The following NDRG4 variants were observed in gnomAD, a reference collection of about 807,000 sequenced individuals.
NDRG4 encodes NDRG family member 4, also known as protein NDRG4.
NDRG4 carries 38 observed loss-of-function variants against 55.8 expected under a neutral mutation model. That is an observed-to-expected ratio of 0.68 (90% CI 0.53 to 0.89). The LOEUF (loss-of-function observed/expected upper bound fraction) is 0.89. Ranked by LOEUF, NDRG4 falls within the 40% of genes least tolerant of loss-of-function variation. NDRG4 has a pLI of 0.00. For synonymous variants in NDRG4, 190 were observed against 182.7 expected, an observed-to-expected ratio of 1.04 and a Z score of -0.32; for missense variants, 455 against 468.6, an observed-to-expected ratio of 0.97 and a Z score of 0.27.
chr16:58,509,031 C>A, intron 11 of NDRG4, 22 bp downstream of exon 11: 3 of 1,614,146 alleles, frequency 1.9e-6, no homozygotes, highest in Non-Finnish European at 2.5e-6. Flanking sequence ...TTCCCCAGCC[C>A]TGGGCCAGCT....
At chr16:58,483,968 G>A (rs149776716) in intron 1 of NDRG4, among the ~76,000 whole-genome samples, 3 of 152,334 alleles carry the variant, frequency 2.0e-5, no homozygotes, top group Non-Finnish European at 4.4e-5. Context: ...TACTTGGGAG[G>A]CTGAGGTGGG....
exon 2 of NDRG4, chr16:58,487,806 C>T (rs927462072): frequency 6.5e-7 from 1 of 1,544,192 alleles, no homozygotes; most frequent in South Asian, 1.2e-5. Context: ...GCTGCGATTC[C>T]CTGAGGAGAA....
At chr16:58,484,164 G>C (rs767591705) in intron 1 of NDRG4, among the ~76,000 whole-genome samples, 3 of 152,124 alleles carry the variant, frequency 2.0e-5, no homozygotes, top group Non-Finnish European at 4.4e-5. Context: ...GAGGTCAAGA[G>C]TTCAAGACCA....
At chr16:58,506,131 A>G in intron 5 of NDRG4, 3 of 486,900 alleles carry the variant, frequency 6.2e-6, no homozygotes, top group Non-Finnish European at 1.1e-5. Flanking sequence ...CTGTTGAAAG[A>G]GCGTGTGTGT....
intron 1 of NDRG4, among the ~76,000 whole-genome samples, chr16:58,480,114 A>C (rs1475243227): frequency 1.3e-5 from 2 of 151,916 alleles, no homozygotes; most frequent in Admixed American, 6.6e-5. Context: ...TGCCCCTCCG[A>C]TTTTTTGTTT....
upstream of NDRG4, among the ~76,000 whole-genome samples, chr16:58,496,492 T>C (rs1269164873): frequency 6.6e-6 from 1 of 152,140 alleles, no homozygotes; most frequent in Non-Finnish European, 1.5e-5. Flanking sequence ...GCAGGGATTT[T>C]ATCTCCTGCT....
chr16:58,508,042 G>T lies in NDRG4; in HGVS notation c.729+43G>T, dbSNP rs763751157. The T allele has an allele frequency of 4.0e-6, 6 of 1,495,684 alleles. No individual in the cohort carries two copies. The East Asian group carries it at 1.1e-4, about 29-fold the overall frequency. 92.7% of individuals were successfully genotyped at this position (1,495,684 alleles called of 1,614,324 possible). Reference sequence around the variant, plus strand: ...GGCTCACTGGGGGTGGGAGGTAGGGGTGAGGGGCTCACTGGCCCCTGCCCA... The same window carrying T: ...GGCTCACTGGGGGTGGGAGGTAGGGTTGAGGGGCTCACTGGCCCCTGCCCA... On this transcript the variant is annotated intron_variant, in intron 10 of 14. Coordinates refer to ENST00000570248, the MANE Select transcript of NDRG4 (RefSeq NM_001242835.2).
chr16:58,504,553 C>A (rs1177458626), intron 4 of NDRG4, 36 bp from the exon 5 acceptor site: 1 of 1,613,728 alleles, frequency 6.2e-7, no homozygotes, highest in African/African-American at 1.3e-5. Flanking sequence ...GAAATGGCAC[C>A]CCTAGCCCTA....
At chr16:58,500,804 C>T (rs2036982279) in intron 1 of NDRG4, 2 of 418,236 alleles carry the variant, frequency 4.8e-6, no homozygotes, top group Non-Finnish European at 4.2e-6. Flanking sequence ...TGGATGGCTG[C>T]GCCAGTGTGA....
downstream of NDRG4, among the ~76,000 whole-genome samples, chr16:58,514,050 G>C (rs2039043710): frequency 1.3e-5 from 2 of 152,174 alleles, no homozygotes; most frequent in South Asian, 4.1e-4. Context: ...TCTTGCCTGA[G>C]TCACTACATT....
chr16:58,472,529 C>T (rs1172434903), intron 1 of NDRG4, among the ~76,000 whole-genome samples: 1 of 152,156 alleles, frequency 6.6e-6, no homozygotes, highest in Non-Finnish European at 1.5e-5. Context: ...AGGCGGGATG[C>T]TGGCTTCACC....
upstream of NDRG4, among the ~76,000 whole-genome samples, chr16:58,495,929 G>T (rs975366649): frequency 1.3e-5 from 2 of 152,208 alleles, no homozygotes; most frequent in African/African-American, 4.8e-5. Flanking sequence ...TGGGAGGGAA[G>T]TGGTCGGGAG....
intron 8 of NDRG4, 46 bp downstream of exon 8, chr16:58,507,061 G>A: frequency 6.7e-7 from 1 of 1,486,402 alleles, no homozygotes; most frequent in Non-Finnish European, 9.3e-7. Context: ...ACCCCAGTGG[G>A]GGCCCTTGCA....
At chr16:58,493,355 G>A (rs2151723598) in intron 2 of NDRG4, among the ~76,000 whole-genome samples, 1 of 152,310 alleles carries the variant, frequency 6.6e-6, no homozygotes, top group Middle Eastern at 3.4e-3. Flanking sequence ...TGCAACCTCT[G>A]CCTCCCAGGT....
chr16:58,496,536 C>G (rs1334427086), upstream of NDRG4, among the ~76,000 whole-genome samples: 1 of 152,054 alleles, frequency 6.6e-6, no homozygotes, highest in Non-Finnish European at 1.5e-5. Context: ...TCCCCTGCCT[C>G]CGTGGGGGCA....
rs753890974 is a variant in NDRG4, at chr16:58,503,900, A to G, written c.124A>G (p.Asn42Asp). 6.2e-7 allele frequency: 1 copy of G among 1,613,662 alleles called. No homozygotes were observed. The highest frequency in any genetic ancestry group is 8.5e-7 in the Non-Finnish European group (1 of 1,179,974). The change falls in exon 2 of 15, where the codon AAC (asparagine) becomes GAC (aspartate). Residue 42 changes from asparagine (N) to aspartate (D), a missense_variant. By Grantham distance (23) the Asn-to-Asp change is conservative (BLOSUM62 1). Coordinates refer to ENST00000570248, the MANE Select transcript of NDRG4 (RefSeq NM_001242835.2). Reference sequence around the variant, plus strand: ...CCTCACCTACCATGATGTGGGCCTCAACCGTAAGTGCAGCCCAGCCTCAGT... The same window carrying G: ...CCTCACCTACCATGATGTGGGCCTCGACCGTAAGTGCAGCCCAGCCTCAGT... Reference protein sequence around the residue: ...AILTYHDVGLNHKLCFNTFFN... With the variant: ...AILTYHDVGLDHKLCFNTFFN...
intron 1 of NDRG4, among the ~76,000 whole-genome samples, chr16:58,481,042 C>T (rs1250426612): frequency 6.6e-6 from 1 of 151,438 alleles, no homozygotes; most frequent in Non-Finnish European, 1.5e-5. Context: ...AGAGTCCACA[C>T]ATGAGCATAT....
chr16:58,501,924 G>A (rs763928583), intron 1 of NDRG4: 4 of 451,936 alleles, frequency 8.9e-6, no homozygotes, highest in Non-Finnish European at 1.3e-5. Context: ...GACCCCAGGA[G>A]GATAACTGTC....
Position 58,512,093 on chromosome 16 carries a change from C to A in NDRG4, c.*517C>A. The A allele has an allele frequency of 4.4e-6, 2 of 456,750 alleles. No individual in the cohort carries two copies. Among genetic ancestry groups the A allele is most frequent in the Non-Finnish European group, 8.8e-6 (2 of 226,988 alleles). 28.3% of individuals were successfully genotyped at this position (456,750 alleles called of 1,614,324 possible). ...CAACAGCCACAAGGGGGCGCTCGGA[C>A]CAGGCAGCCACTTTCCTGGTGCTCT... On this transcript the variant is annotated 3_prime_UTR_variant, in exon 15 of 15. Transcript: ENST00000570248.
Sources: allele counts gnomAD v4.1 joint callset (sites outside exome capture counted in the v4.1 genomes callset), GRCh38; gene constraint gnomAD v4.1.1; transcripts MANE v1.5; gene names NCBI Gene and HGNC (gene_info 2026-07-23, HGNC 2026-07-21).